Variants in IFIT3 observed in about 807,000 individuals in gnomAD.
The protein encoded by IFIT3 is interferon-induced protein with tetratricopeptide repeats 3.
A neutral mutation model predicts 2.4 loss-of-function variants in IFIT3; 2 were observed. The observed-to-expected ratio is 0.82, with a 90% CI of 0.34 to 2.60. The LOEUF (loss-of-function observed/expected upper bound fraction) is 2.60, where lower values mean the gene tolerates loss of function less well. Ranked by LOEUF, IFIT3 falls within the 30% of genes most tolerant of loss-of-function variation. The pLI is 0.11. For missense variants in IFIT3, 481 were observed against 562.4 expected (o/e 0.86, Z 1.46); for synonymous variants, 203 against 212.1 (o/e 0.96, Z 0.37).
chr10:89,338,924 A>G lies in IFIT3; in HGVS notation c.269A>G (p.Glu90Gly), dbSNP rs1843795481. 1.2e-6 allele frequency: 2 copies of G among 1,614,108 alleles called. No homozygotes were observed. The highest frequency in any genetic ancestry group is 1.1e-5 in the South Asian group (1 of 91,090). Reference protein sequence around the residue: ...LIQQEHADQAEIRSLVTWGNY... With the variant: ...LIQQEHADQAGIRSLVTWGNY... ...CAGCAAGAACATGCTGACCAAGCAG[A>G]AATCAGAAGTCTAGTCACTTGGGGA... is the stretch of plus-strand genomic sequence containing the variant. Residue 90 changes from glutamate (E) to glycine (G), a missense_variant, in exon 2 of 2, where the codon GAA becomes GGA. Glu to Gly is a moderately conservative substitution (Grantham distance 98). Coordinates refer to ENST00000371818, the MANE Select transcript of IFIT3 (RefSeq NM_001549.6).
intron 1 of IFIT3, among the ~76,000 whole-genome samples, chr10:89,328,631 T>C (rs180687368): frequency 1.8e-4 from 27 of 152,218 alleles, no homozygotes; most frequent in African/African-American, 6.5e-4. Flanking sequence ...TACTTTAAGG[T>C]GGGAAGTGGA....
chr10:89,339,255 T>C lies in IFIT3; in HGVS notation c.600T>C (p.Ile200=), dbSNP rs1477252639. The change falls in exon 2 of 2, where the codon ATT becomes ATC. Residue 200 remains isoleucine (I), a synonymous_variant. Coordinates refer to ENST00000371818, the MANE Select transcript of IFIT3 (RefSeq NM_001549.6). Reference sequence around the variant, plus strand: ...CTACTGATGTTTTGAAGCAGGCCATTGAGCTGAGTCCTGATAACCAATACG... The same window carrying C: ...CTACTGATGTTTTGAAGCAGGCCATCGAGCTGAGTCCTGATAACCAATACG... The part of the protein sequence containing the change: ...QFSTDVLKQA[I]ELSPDNQYVK... 6.2e-7 allele frequency: 1 copy of C among 1,614,204 alleles called. No homozygotes were observed. Among genetic ancestry groups the C allele is most frequent in the Admixed American group, 1.7e-5 (1 of 60,024 alleles).
At position 89,339,277 on chromosome 10, in the gene IFIT3, T is replaced by C. The variant is rs1843806564; in HGVS notation, c.622T>C (p.Tyr208His). ...QAIELSPDNQ[Y>H]VKVLLGLKLQ... ...CATTGAGCTGAGTCCTGATAACCAA[T>C]ACGTCAAGGTTCTCTTGGGCCTGAA... The change falls in exon 2 of 2, where the codon TAC becomes CAC. Residue 208 changes from tyrosine (Y) to histidine (H), a missense_variant. By Grantham distance (83) the Tyr-to-His change is moderately conservative. Coordinates refer to ENST00000371818, the MANE Select transcript of IFIT3 (RefSeq NM_001549.6). 2 of 1,614,150 alleles carry C rather than the reference T, an allele frequency of 1.2e-6. No homozygotes were observed. The highest frequency in any genetic ancestry group is 1.7e-5 in the Admixed American group (1 of 60,014).
chr10:89,338,751 G>A lies in IFIT3; in HGVS notation c.96G>A (p.Arg32=). 1 of 1,613,950 alleles carries A rather than the reference G, an allele frequency of 6.2e-7. No individual in the cohort carries two copies. Among genetic ancestry groups the A allele is most frequent in the African/African-American group, 1.3e-5 (1 of 75,002 alleles). Residue 32 remains arginine (R), a synonymous_variant, in exon 2 of 2, where the codon AGG becomes AGA. Coordinates refer to ENST00000371818, the MANE Select transcript of IFIT3 (RefSeq NM_001549.6). ...TATTCAAGGAAGACAGTGTCTCAAG[G>A]GATCTAGAAGATAGAGTGTGTAACC... is the stretch of plus-strand genomic sequence containing the variant. ...WNLFKEDSVS[R]DLEDRVCNQI...
At chr10:89,328,274 G>A (rs35898568) in intron 1 of IFIT3, among the ~76,000 whole-genome samples, 196 bp downstream of exon 1, 240 of 152,266 alleles carry the variant, frequency 1.6e-3, no homozygotes, top group Non-Finnish European at 2.7e-3. Flanking sequence ...GGCTTCTTAA[G>A]TTTCTGGAAT....
At chr10:89,330,172 C>T (rs937440095) in intron 1 of IFIT3, among the ~76,000 whole-genome samples, 4 of 152,146 alleles carry the variant, frequency 2.6e-5, no homozygotes, top group Admixed American at 1.3e-4. Context: ...GGCTCAGAGG[C>T]CTGACAAGTG....
rs1843860407 is a variant in IFIT3, at chr10:89,340,855, A to T, written c.*727A>T. 1 of 152,216 alleles carries T rather than the reference A, an allele frequency of 6.6e-6. No homozygotes were observed. Among genetic ancestry groups the T allele is most frequent in the African/African-American group, 2.4e-5 (1 of 41,442 alleles). 9.4% of individuals were successfully genotyped at this position (152,216 alleles called of 1,614,324 possible). A position where few individuals can be genotyped will look rare whatever the true frequency, so the allele number is the denominator to read the frequency against. On this transcript the variant is annotated 3_prime_UTR_variant, in exon 2 of 2. Coordinates refer to ENST00000371818, the MANE Select transcript of IFIT3 (RefSeq NM_001549.6). The stretch of plus-strand genomic sequence containing the variant: ...TTTGACTAACCCTGGAATATCTCTT[A>T]TCTCACTTATAGCTTCAGGCATGTA...
chr10:89,333,145 C>G (rs939456383), intron 1 of IFIT3, among the ~76,000 whole-genome samples: 29 of 152,292 alleles, frequency 1.9e-4, no homozygotes, highest in African/African-American at 6.5e-4. Context: ...GGGGATATGT[C>G]TACTTGAGTT....
At chr10:89,329,470 G>A (rs76738771) in intron 1 of IFIT3, among the ~76,000 whole-genome samples, 2,935 of 152,166 alleles carry the variant, frequency 0.019, 41 homozygotes, top group African/African-American at 0.037. Context: ...TCTGAGGGGG[G>A]CTCTCTGAAC....
intron 1 of IFIT3, among the ~76,000 whole-genome samples, chr10:89,332,247 A>G (rs950780943): frequency 1.3e-5 from 2 of 150,496 alleles, no homozygotes; most frequent in Non-Finnish European, 3.0e-5. Context: ...GCACCTGAGA[A>G]AAAAAACAGT....
chr10:89,329,271 T>A (rs1334615123), intron 1 of IFIT3, among the ~76,000 whole-genome samples: 2 of 152,196 alleles, frequency 1.3e-5, no homozygotes, highest in African/African-American at 4.8e-5. Flanking sequence ...GTAAGAGGAA[T>A]TCACTGCCAA....
chr10:89,335,673 T>C (rs1000800502), intron 1 of IFIT3: 2 of 59,028 alleles, frequency 3.4e-5, no homozygotes, highest in African/African-American at 1.5e-4. Context: ...CTGGATACTC[T>C]CTATTAATTA....
intron 1 of IFIT3, among the ~76,000 whole-genome samples, chr10:89,336,804 T>C (rs1469718524): frequency 1.3e-5 from 2 of 152,150 alleles, no homozygotes; most frequent in Non-Finnish European, 2.9e-5. Flanking sequence ...GGACACTTGG[T>C]TTAATGATTT....
Position 89,339,717 on chromosome 10 carries a change from T to C in IFIT3, c.1062T>C (p.Asp354=). The C allele has an allele frequency of 6.2e-7, 1 of 1,614,224 alleles. No individual in the cohort carries two copies. Among genetic ancestry groups the C allele is most frequent in the Non-Finnish European group, 8.5e-7 (1 of 1,180,032 alleles). Residue 354 remains aspartate, a synonymous_variant, in exon 2 of 2, where the codon GAT becomes GAC. Coordinates refer to ENST00000371818, the MANE Select transcript of IFIT3 (RefSeq NM_001549.6). The part of the protein sequence containing the change: ...YQTPFNKEVP[D]AEKQQSHQRY... ...CACCATTCAATAAGGAAGTCCCTGATGCTGAAAAGCAACAATCCCATCAGC... is the reference window on the plus strand; with the variant it reads ...CACCATTCAATAAGGAAGTCCCTGACGCTGAAAAGCAACAATCCCATCAGC...
chr10:89,330,045 G>A (rs913226654), intron 1 of IFIT3, among the ~76,000 whole-genome samples: 5 of 152,248 alleles, frequency 3.3e-5, no homozygotes, highest in East Asian at 1.9e-4. Flanking sequence ...TAATGTCATC[G>A]GTTAAGGCAG....
chr10:89,332,266 G>A (rs1242774629), intron 1 of IFIT3, among the ~76,000 whole-genome samples: 2 of 152,238 alleles, frequency 1.3e-5, no homozygotes, highest in Non-Finnish European at 2.9e-5. Flanking sequence ...GTCACGTTAC[G>A]TGAGTCAGTT....
At chr10:89,332,411 T>G in intron 1 of IFIT3, 36 of 1,200,724 alleles carry the variant, frequency 3.0e-5, no homozygotes, top group Non-Finnish European at 3.7e-5. Context: ...CTGGCGTGAG[T>G]GAGCTCAGTT....
intron 1 of IFIT3, among the ~76,000 whole-genome samples, chr10:89,334,877 A>G (rs1843711473): frequency 6.6e-6 from 1 of 151,992 alleles, no homozygotes; most frequent in East Asian, 1.9e-4. Context: ...ATTACTGTTA[A>G]CTAACTTATT....
chr10:89,333,093 G>A (rs4339948), intron 1 of IFIT3, among the ~76,000 whole-genome samples: 40,494 of 152,100 alleles, frequency 0.27, 5,711 homozygotes, highest in African/African-American at 0.32. Context: ...TCCAATTTAT[G>A]TTGAGGTCAC....
Sources: gnomAD v4.1 joint callset for allele counts (sites outside exome capture counted in the v4.1 genomes callset) on GRCh38, gnomAD v4.1.1 for gene constraint, MANE v1.5 for transcripts, NCBI Gene and HGNC (gene_info 2026-07-23, HGNC 2026-07-21) for gene names.